IGSF6: variants seen among roughly 807,000 people sequenced by gnomAD.
IGSF6 encodes down-regulated by activation (immunoglobulin superfamily).
A neutral mutation model predicts 24.7 loss-of-function variants in IGSF6; 23 were observed. The ratio of observed to expected loss-of-function variants is 0.93; its 90% CI spans 0.67 to 1.32. IGSF6 has a LOEUF of 1.32. Among genes scored for constraint, IGSF6 ranks in the 40% most tolerant of loss-of-function variants. The pLI is 0.00. For missense variants in IGSF6, 295 were observed against 293.6 expected (o/e 1.00, Z -0.04); for synonymous variants, 110 against 113.7 (o/e 0.97, Z 0.21).
chr16:21,647,363 A>C lies in IGSF6; in HGVS notation c.197T>G (p.Leu66Arg). Residue 66 changes from leucine (L) to arginine (R), a missense_variant, in exon 2 of 6, where the codon CTG becomes CGG. Transcript: ENST00000268389. ...TGCPSEQPTC[L>R]WFRYGAHQPE... ...CTGGTGAGCACCGTAGCGAAACCAC[A>C]GGCATGTTGGTTGCTCAGAAGGGCA... The C allele has an allele frequency of 6.2e-7, 1 of 1,614,112 alleles. No individual in the cohort carries two copies. The highest frequency in any genetic ancestry group is 1.3e-5 in the African/African-American group (1 of 75,020).
At chr16:21,651,003 C>A (rs1163679209) in intron 1 of IGSF6, among the ~76,000 whole-genome samples, 1 of 152,162 alleles carries the variant, frequency 6.6e-6, no homozygotes, top group Non-Finnish European at 1.5e-5. Flanking sequence ...GCGGGCGGAT[C>A]ACGAGGTCAG....
At position 21,652,600 on chromosome 16, in the gene IGSF6, T is replaced by A; in HGVS notation, c.-2A>T. On this transcript the variant is annotated 5_prime_UTR_variant, in exon 1 of 6. Transcript: ENST00000268389. Reference sequence around the variant, plus strand: ...GTTGCTTCTGCTCGCAGTCCCCATTTCTGTGTATGCCGGGGCGGGTTGGGG... The same window carrying A: ...GTTGCTTCTGCTCGCAGTCCCCATTACTGTGTATGCCGGGGCGGGTTGGGG... The A allele has an allele frequency of 6.2e-7, 1 of 1,608,820 alleles. No individual in the cohort carries two copies.
chr16:21,640,050 G>A lies in IGSF6; in HGVS notation c.*1484C>T, dbSNP rs1966208152. The A allele has an allele frequency of 6.6e-6, 1 of 152,042 alleles. No individual in the cohort carries two copies. Among genetic ancestry groups the A allele is most frequent in the Admixed American group, 6.5e-5 (1 of 15,270 alleles). The allele number at this position is 152,042 out of a possible 1,614,324, so 9.4% of individuals were successfully genotyped here. On this transcript the variant is annotated 3_prime_UTR_variant, in exon 6 of 6. Transcript: ENST00000268389. ...GCATCCTGGGTTCAAGTGATCTCCT[G>A]CCTCAGCCTCCCAAATAGCTGGGAT...
At chr16:21,643,473 TA>T in intron 4 of IGSF6, 74 bp downstream of exon 4, 2 of 960,068 alleles carry the variant, frequency 2.1e-6, no homozygotes, top group Non-Finnish European at 3.2e-6. Context: ...ATTTAAAAGC[TA>T]AAAAATATTT....
At chr16:21,649,602 A>C (rs1358588394) in intron 1 of IGSF6, among the ~76,000 whole-genome samples, 4 of 152,236 alleles carry the variant, frequency 2.6e-5, no homozygotes, top group African/African-American at 9.6e-5. Context: ...GGTCTGCCAA[A>C]ACTTAGCAAA....
chr16:21,649,866 G>A (rs1001082661), intron 1 of IGSF6, among the ~76,000 whole-genome samples: 3 of 151,978 alleles, frequency 2.0e-5, no homozygotes, highest in African/African-American at 2.4e-5. Context: ...GCACCACCAC[G>A]CCTGGCTAAT....
At position 21,644,410 on chromosome 16, in the gene IGSF6, A is replaced by G. The variant is rs768329725; in HGVS notation, c.428-14T>C. On this transcript the variant is annotated splice_polypyrimidine_tract_variant and intron_variant, in intron 2 of 5. Transcript: ENST00000268389. ...GCAGCTTAATTTCTTAATGACAAAA[A>G]CAGAAAGAAGCACATTGACTATTAA... The G allele has an allele frequency of 7.7e-6, 12 of 1,563,606 alleles. No homozygotes were observed. The highest frequency in any genetic ancestry group is 1.1e-5 in the Non-Finnish European group (12 of 1,134,414).
intron 1 of IGSF6, among the ~76,000 whole-genome samples, chr16:21,650,293 G>A (rs1849496350): frequency 6.6e-6 from 1 of 152,112 alleles, no homozygotes; most frequent in Non-Finnish European, 1.5e-5. Flanking sequence ...GATCACCTGA[G>A]GTCAGGCGTT....
intron 2 of IGSF6, chr16:21,646,605 C>T: frequency 5.0e-6 from 1 of 198,540 alleles, no homozygotes; most frequent in South Asian, 8.7e-5. Context: ...GAATAGAGCA[C>T]CCAGCAAATC....
At chr16:21,647,518 T>C (rs772492797) in intron 1 of IGSF6, 26 bp from the exon 2 acceptor site, 49 of 1,585,740 alleles carry the variant, frequency 3.1e-5, no homozygotes, top group Non-Finnish European at 4.1e-5. Context: ...GATGAGTGGG[T>C]TAATGGGCCT....
At chr16:21,651,976 T>C (rs1384663951) in intron 1 of IGSF6, 2 of 152,034 alleles carry the variant, frequency 1.3e-5, no homozygotes, top group Admixed American at 6.6e-5. Flanking sequence ...TTAAGAACTT[T>C]CCCCCCTTCC....
At chr16:21,643,856 C>A (rs1360436466) in intron 3 of IGSF6, among the ~76,000 whole-genome samples, 1 of 152,096 alleles carries the variant, frequency 6.6e-6, no homozygotes, top group African/African-American at 2.4e-5. Context: ...AAAAGGTATT[C>A]TTTTTTAATA....
At chr16:21,645,917 A>T (rs1966413054) in intron 2 of IGSF6, among the ~76,000 whole-genome samples, 1 of 152,248 alleles carries the variant, frequency 6.6e-6, no homozygotes, top group Non-Finnish European at 1.5e-5. Flanking sequence ...ACATTTGAAT[A>T]TCAAAAGCCC....
chr16:21,649,708 C>T (rs1266069447), intron 1 of IGSF6, among the ~76,000 whole-genome samples: 1 of 151,964 alleles, frequency 6.6e-6, no homozygotes, highest in Admixed American at 6.6e-5. Context: ...CCATTATTTA[C>T]ACATTTTTAT....
intron 1 of IGSF6, among the ~76,000 whole-genome samples, chr16:21,650,039 C>T (rs1966527187): frequency 6.6e-6 from 1 of 152,148 alleles, no homozygotes; most frequent in Non-Finnish European, 1.5e-5. Flanking sequence ...GTCACAGCTA[C>T]TCAGGAGGCT....
At chr16:21,646,267 G>A (rs1966427030) in intron 2 of IGSF6, 1 of 152,034 alleles carries the variant, frequency 6.6e-6, no homozygotes, top group Non-Finnish European at 1.5e-5. Flanking sequence ...CTGAGGAATT[G>A]TCATGGGTTT....
At chr16:21,645,745 G>A (rs1006811122) in intron 2 of IGSF6, among the ~76,000 whole-genome samples, 1 of 152,142 alleles carries the variant, frequency 6.6e-6, no homozygotes, top group Non-Finnish European at 1.5e-5. Flanking sequence ...GTTTTTAGAA[G>A]GCTAATGCAG....
chr16:21,639,628 G>C lies in IGSF6; in HGVS notation c.*1906C>G, dbSNP rs905145862. On this transcript the variant is annotated 3_prime_UTR_variant, in exon 6 of 6. Coordinates refer to ENST00000268389, the MANE Select transcript of IGSF6 (RefSeq NM_005849.4). ...TTATGCCATTGTTTAATTTGTTTTTGTGTATAAGGTACAAAGGTACATTTT... is the reference window on the plus strand; with the variant it reads ...TTATGCCATTGTTTAATTTGTTTTTCTGTATAAGGTACAAAGGTACATTTT... 6.6e-6 allele frequency: 1 copy of C among 152,032 alleles called. No homozygotes were observed. Among genetic ancestry groups the C allele is most frequent in the Non-Finnish European group, 1.5e-5 (1 of 67,986 alleles). The allele number at this position is 152,032 out of a possible 1,614,324, so 9.4% of individuals were successfully genotyped here.
At chr16:21,645,708 C>G (rs1966404873) in intron 2 of IGSF6, among the ~76,000 whole-genome samples, 1 of 152,166 alleles carries the variant, frequency 6.6e-6, no homozygotes, top group African/African-American at 2.4e-5. Context: ...CATCTTTTTA[C>G]AAGCCATTTT....
Sources: gnomAD v4.1 joint callset for allele counts (sites outside exome capture counted in the v4.1 genomes callset) on GRCh38, gnomAD v4.1.1 for gene constraint, MANE v1.5 for transcripts, NCBI Gene and HGNC (gene_info 2026-07-23, HGNC 2026-07-21) for gene names.